Variants in GRIK1 observed in about 807,000 individuals in gnomAD.
The protein encoded by GRIK1 is glutamate ionotropic receptor kainate type subunit 1.
A neutral mutation model predicts 105.7 loss-of-function variants in GRIK1; 69 were observed. That is an observed-to-expected ratio of 0.65 (90% confidence interval 0.54 to 0.80). The LOEUF (loss-of-function observed/expected upper bound fraction) is 0.80, where lower values mean the gene tolerates loss of function less well. Among genes scored for constraint, GRIK1 ranks in the 30% least tolerant of loss-of-function variants. GRIK1 has a pLI of 0.00. For synonymous variants in GRIK1, 438 were observed against 431.3 expected, an observed-to-expected ratio of 1.02 and a Z score of -0.19; for missense variants, 1,109 against 1,167.3, an observed-to-expected ratio of 0.95 and a Z score of 0.73.
chr21:29,714,028 G>A (rs2064119111), intron 1 of GRIK1, among the ~76,000 whole-genome samples: 1 of 152,178 alleles, frequency 6.6e-6, no homozygotes. Flanking sequence ...ATAAATGAGT[G>A]TATGTTTCAA....
Position 29,651,261 on chromosome 21 carries a change from T to C in GRIK1, c.811A>G (p.Arg271Gly). Reference sequence around the variant, plus strand: ...CCGGTCATGTTTACGCCACTGTACCTATAGAGTTCCAGATCCAAAGCAAAT... The same window carrying C: ...CCGGTCATGTTTACGCCACTGTACCCATAGAGTTCCAGATCCAAAGCAAAT... The part of the protein sequence containing the change: ...DLFALDLELY[R>G]YSGVNMTGFR... The change falls in exon 6 of 18, where the codon AGG becomes GGG. Residue 271 changes from arginine to glycine, a missense_variant. By Grantham distance (125) the Arg-to-Gly change is moderately radical (BLOSUM62 -2). Around this residue, in one of 5 missense-constraint regions of GRIK1, gnomAD observed 612 missense variants for 586.0 expected, o/e 1.04. Transcript: ENST00000327783. 1 of 1,613,126 alleles carries C rather than the reference T, an allele frequency of 6.2e-7. No homozygotes were observed. The highest frequency in any genetic ancestry group is 8.5e-7 in the Non-Finnish European group (1 of 1,179,242).
intron 9 of GRIK1, among the ~76,000 whole-genome samples, chr21:29,595,355 T>C (rs568384443): frequency 6.6e-6 from 1 of 151,874 alleles, no homozygotes; most frequent in Admixed American, 6.6e-5. Context: ...TTTTTTTTTT[T>C]TTCTTTTTCT....
At chr21:29,637,836 T>C (rs2062428266) in intron 7 of GRIK1, among the ~76,000 whole-genome samples, 1 of 152,208 alleles carries the variant, frequency 6.6e-6, no homozygotes, top group African/African-American at 2.4e-5. Context: ...TCTTTTCACC[T>C]TTCTTGAACA....
intron 13 of GRIK1, among the ~76,000 whole-genome samples, chr21:29,579,362 A>G (rs2090965331): frequency 6.6e-6 from 1 of 152,160 alleles, no homozygotes; most frequent in African/African-American, 2.4e-5. Flanking sequence ...TTAGTACTCT[A>G]GAGGATGAAA....
intron 1 of GRIK1, among the ~76,000 whole-genome samples, chr21:29,734,566 A>AT (rs201083084): frequency 0.016 from 2,390 of 151,666 alleles, 67 homozygotes; most frequent in African/African-American, 0.055. Flanking sequence ...TGCCTGGCTA[A>AT]TTTTTTTGTT....
In GRIK1 at chr21:29,770,762, A is replaced by G. The variant is rs564029821; in HGVS notation, c.119-76699T>C. On this transcript the variant is annotated intron_variant, in intron 1 of 17. Transcript: ENST00000327783. ...TGGCTTGTGCAGACATTGTTTTTGA[A>G]ATAATAGTCTTTAAAACGCTGGTCT... is the stretch of plus-strand genomic sequence containing the variant. 8.1e-4 allele frequency among the ~76,000 whole-genome samples: 124 copies of G among 152,334 alleles called. 1 individual carries two copies. The highest frequency in any genetic ancestry group is 2.7e-3 in the African/African-American group (113 of 41,582).
intron 7 of GRIK1, among the ~76,000 whole-genome samples, chr21:29,625,156 C>T (rs774546960): frequency 2.6e-5 from 4 of 152,150 alleles, no homozygotes; most frequent in Non-Finnish European, 4.4e-5. Context: ...TAAAGCACAT[C>T]GTAATATATA....
chr21:29,644,022 TTA>T (rs969369358), intron 6 of GRIK1, among the ~76,000 whole-genome samples: 17 of 152,106 alleles, frequency 1.1e-4, no homozygotes, highest in African/African-American at 3.9e-4. Context: ...GTAATAGGGA[TTA>T]TATACATAGC....
chr21:29,728,282 A>C (rs1475591590), intron 1 of GRIK1, among the ~76,000 whole-genome samples: 1 of 152,186 alleles, frequency 6.6e-6, no homozygotes, highest in African/African-American at 2.4e-5. Flanking sequence ...TTGGCTACTC[A>C]TGTGCAGGAT....
chr21:29,878,206 G>T (rs746927934), intron 1 of GRIK1, among the ~76,000 whole-genome samples: 1 of 152,148 alleles, frequency 6.6e-6, no homozygotes, highest in East Asian at 1.9e-4. Flanking sequence ...GACTGCATTT[G>T]CTTGGTTTGT....
intron 1 of GRIK1, among the ~76,000 whole-genome samples, chr21:29,738,251 G>T (rs2064845375): frequency 6.6e-6 from 1 of 152,212 alleles, no homozygotes; most frequent in Non-Finnish European, 1.5e-5. Context: ...TTTGTGTGGG[G>T]TGTGTATATG....
At chr21:29,577,702 G>T (rs549767947) in intron 13 of GRIK1, among the ~76,000 whole-genome samples, 2 of 152,256 alleles carry the variant, frequency 1.3e-5, no homozygotes, top group African/African-American at 2.4e-5. Context: ...AGCCATACTT[G>T]ACAGTGGATG....
chr21:29,654,413 A>G (rs1008857011), intron 5 of GRIK1, among the ~76,000 whole-genome samples: 25 of 152,190 alleles, frequency 1.6e-4, no homozygotes, highest in African/African-American at 5.8e-4. Context: ...CCAGCTATCT[A>G]CTGGACACAG....
intron 1 of GRIK1, among the ~76,000 whole-genome samples, chr21:29,746,210 C>T (rs184257982): frequency 1.3e-5 from 2 of 152,302 alleles, no homozygotes; most frequent in South Asian, 2.1e-4. Flanking sequence ...TGTTAGGTTG[C>T]ATGGTTAATT....
chr21:29,779,331 AGTGAGTGTGT>A (rs1569083146), intron 1 of GRIK1, among the ~76,000 whole-genome samples: 1 of 80,584 alleles, frequency 1.2e-5, no homozygotes, highest in African/African-American at 3.7e-5. Context: ...GAGGTCAGTG[AGTGAGTGTGT>A]GTGTGTGTGT....
intron 1 of GRIK1, among the ~76,000 whole-genome samples, chr21:29,754,749 T>G (rs977766633): frequency 1.3e-5 from 2 of 152,174 alleles, no homozygotes; most frequent in South Asian, 4.1e-4. Flanking sequence ...ATAATCTGGG[T>G]GGGCCTGATT....
chr21:29,601,542 C>A (rs1255717385), intron 7 of GRIK1, among the ~76,000 whole-genome samples: 1 of 152,242 alleles, frequency 6.6e-6, no homozygotes, highest in Non-Finnish European at 1.5e-5. Flanking sequence ...ACAGCCCCAG[C>A]TGGAACAGGC....
At chr21:29,756,104 G>A (rs865918927) in intron 1 of GRIK1, among the ~76,000 whole-genome samples, 2 of 152,196 alleles carry the variant, frequency 1.3e-5, no homozygotes, top group East Asian at 1.9e-4. Context: ...TAAACGGGCC[G>A]GGCGCGGTGG....
chr21:29,652,395 A>G (rs363578), intron 5 of GRIK1, among the ~76,000 whole-genome samples: 16 of 152,356 alleles, frequency 1.1e-4, no homozygotes, highest in African/African-American at 3.4e-4. Context: ...CAACGAGGGC[A>G]TGAAGAATGT....
Sources: gnomAD v4.1 joint callset for allele counts (sites outside exome capture counted in the v4.1 genomes callset) on GRCh38, gnomAD v4.1.1 for gene constraint, gnomAD v4.1.1 regional missense constraint, MANE v1.5 for transcripts, NCBI Gene and HGNC (gene_info 2026-07-23, HGNC 2026-07-21) for gene names.